The following MTMR1 variants were observed in gnomAD, a reference collection of about 807,000 sequenced individuals.
The protein encoded by MTMR1 is myotubularin related protein 1.
Under a neutral mutation model 51.6 loss-of-function variants are expected in MTMR1, and 17 were observed. The ratio of observed to expected loss-of-function variants is 0.33; its 90% CI spans 0.23 to 0.49. The LOEUF is 0.49. MTMR1 is among the 20% of genes least tolerant of loss of function. The pLI, the probability that MTMR1 is intolerant of heterozygous loss-of-function variation, is 0.99. For missense variants in MTMR1, 386 were observed against 526.9 expected (o/e 0.73, Z 2.62); for synonymous variants, 201 against 205.6 (o/e 0.98, Z 0.19).
chrX:150,762,918 G>A lies in MTMR1; in HGVS notation c.*189G>A. The A allele has an allele frequency of 6.7e-6, 3 of 449,244 alleles. No individual in the cohort carries two copies. Among genetic ancestry groups the A allele is most frequent in the South Asian group, 6.1e-5 (1 of 16,290 alleles). 37.0% of individuals were successfully genotyped at this position (449,244 alleles called of 1,213,427 possible). ...CTGTCAGCGGTTTCACAGGGGAGCCGTCTGTCACGCCCACCCTGTGAAGCA... is the reference window on the plus strand; with the variant it reads ...CTGTCAGCGGTTTCACAGGGGAGCCATCTGTCACGCCCACCCTGTGAAGCA... On this transcript the variant is annotated 3_prime_UTR_variant, in exon 16 of 16. Transcript: ENST00000445323.
rs1456518039 is a variant in MTMR1 at position 150,764,189 on chromosome X, A to C, written c.*1460A>C. The C allele has an allele frequency of 8.9e-6, 1 of 112,868 alleles. No individual in the cohort carries two copies. Among genetic ancestry groups the C allele is most frequent in the Non-Finnish European group, 1.9e-5 (1 of 53,384 alleles). The allele number at this position is 112,868 out of a possible 1,213,427, so 9.3% of individuals were successfully genotyped here. A position where few individuals can be genotyped will look rare whatever the true frequency, so the allele number is the denominator to read the frequency against. Reference sequence around the variant, plus strand: ...CTGGATTCCAGGCAAAGGCCTACAGATTGACCTTATTATTTTTGAAAATAT... The same window carrying C: ...CTGGATTCCAGGCAAAGGCCTACAGCTTGACCTTATTATTTTTGAAAATAT... On this transcript the variant is annotated 3_prime_UTR_variant, in exon 16 of 16. Coordinates refer to ENST00000445323, the MANE Select transcript of MTMR1 (RefSeq NM_001306144.3).
chrX:150,698,672 ACGCGCGCG>A (rs58742500), intron 1 of MTMR1, among the ~76,000 whole-genome samples: 1 of 76,880 alleles, frequency 1.3e-5, no homozygotes, highest in South Asian at 8.1e-4. Context: ...CCCTGTCTAC[ACGCGCGCG>A]CACACACACA....
intron 12 of MTMR1, among the ~76,000 whole-genome samples, chrX:150,742,836 AAG>A (rs2042471287): frequency 9.3e-6 from 1 of 107,014 alleles, no homozygotes; most frequent in Non-Finnish European, 1.9e-5. Flanking sequence ...AAAAAAAAAA[AAG>A]AAAGAAAGAA....
chrX:150,752,713 A>G (rs1275648240), intron 14 of MTMR1, among the ~76,000 whole-genome samples: 1 of 106,144 alleles, frequency 9.4e-6, no homozygotes, highest in Admixed American at 1.0e-4. Flanking sequence ...TTTACATACC[A>G]TAAAATTCAC....
In MTMR1 at chrX:150,764,683, T is replaced by G. The variant is rs1376144767; in HGVS notation, c.*1954T>G. 8.9e-6 allele frequency: 1 copy of G among 112,010 alleles called. No homozygotes were observed. Among genetic ancestry groups the G allele is most frequent in the Non-Finnish European group, 1.9e-5 (1 of 53,202 alleles). The allele number at this position is 112,010 out of a possible 1,213,427, so 9.2% of individuals were successfully genotyped here. On this transcript the variant is annotated 3_prime_UTR_variant, in exon 16 of 16. Transcript: ENST00000445323. ...CTGTCAGCAGGACCCTAGAGGAGAC[T>G]CTCATTCGATTTTAAAGAAGCACAA...
At chrX:150,698,726 A>ACACACACAC (rs1557415823) in intron 1 of MTMR1, among the ~76,000 whole-genome samples, 8 of 106,521 alleles carry the variant, frequency 7.5e-5, no homozygotes, top group Non-Finnish European at 1.4e-4. Context: ...ACACACACAC[A>ACACACACAC]AAAGCCGGGC....
At chrX:150,715,508 G>T in intron 3 of MTMR1, among the ~76,000 whole-genome samples, 1 of 112,421 alleles carries the variant, frequency 8.9e-6, no homozygotes, top group South Asian at 3.7e-4. Context: ...CTGAACATGG[G>T]TTGGATAAAT....
chrX:150,700,945 G>A (rs2040883727), intron 2 of MTMR1, among the ~76,000 whole-genome samples: 1 of 112,373 alleles, frequency 8.9e-6, no homozygotes, highest in African/African-American at 3.2e-5. Flanking sequence ...TTCAATCTCA[G>A]TCTATTTACA....
intron 2 of MTMR1, among the ~76,000 whole-genome samples, 168 bp from the exon 3 acceptor site, chrX:150,712,174 C>CTGATA (rs782742147): frequency 8.9e-6 from 1 of 111,875 alleles, no homozygotes; most frequent in African/African-American, 3.2e-5. Context: ...TAGGATTGAT[C>CTGATA]TGATATTGAA....
Position 150,762,900 on chromosome X carries a change from C to T in MTMR1, c.*171C>T, listed in dbSNP as rs1472372860. On this transcript the variant is annotated 3_prime_UTR_variant, in exon 16 of 16. Transcript: ENST00000445323. ...TTGGCAACCGTTACCCTCCTGTCAG[C>T]GGTTTCACAGGGGAGCCGTCTGTCA... 7.6e-5 allele frequency: 41 copies of T among 539,477 alleles called. No homozygotes were observed. Among genetic ancestry groups the T allele is most frequent in the African/African-American group, 1.2e-4 (5 of 41,110 alleles). 44.5% of individuals were successfully genotyped at this position (539,477 alleles called of 1,213,427 possible).
chrX:150,757,913 A>G lies in MTMR1; in HGVS notation c.1857+2048A>G, dbSNP rs377182084. On this transcript the variant is annotated intron_variant, in intron 15 of 15. Coordinates refer to ENST00000445323, the MANE Select transcript of MTMR1 (RefSeq NM_001306144.3). Reference sequence around the variant, plus strand: ...TGAGAAAGAGAGTGGAGGCGCTGCTAATAATCAGTCTGTAGAATTCCCCAA... The same window carrying G: ...TGAGAAAGAGAGTGGAGGCGCTGCTGATAATCAGTCTGTAGAATTCCCCAA... Among the ~76,000 whole-genome samples, 73 of 110,758 alleles carry G rather than the reference A, an allele frequency of 6.6e-4. 1 individual carries two copies. The East Asian group carries it at 0.019, about 29-fold the overall frequency.
intron 13 of MTMR1, among the ~76,000 whole-genome samples, chrX:150,749,884 T>G (rs1189541908): frequency 9.0e-6 from 1 of 111,647 alleles, no homozygotes; most frequent in Non-Finnish European, 1.9e-5. Flanking sequence ...TTTGGGAGGC[T>G]GAGGCGAGTG....
intron 2 of MTMR1, among the ~76,000 whole-genome samples, chrX:150,701,657 A>G (rs931038650): frequency 2.7e-5 from 3 of 111,515 alleles, no homozygotes; most frequent in Non-Finnish European, 3.8e-5. Context: ...GGGTTTTGTA[A>G]TGCTTTTTGA....
intron 13 of MTMR1, among the ~76,000 whole-genome samples, chrX:150,746,302 T>G (rs185642390): frequency 8.9e-6 from 1 of 111,779 alleles, no homozygotes; most frequent in Non-Finnish European, 1.9e-5. Context: ...TGATTAAAGA[T>G]AGCCTGTTAG....
intron 15 of MTMR1, among the ~76,000 whole-genome samples, chrX:150,758,114 A>G (rs2242555): frequency 0.26 from 28,458 of 110,231 alleles, 2,902 homozygotes; most frequent in South Asian, 0.47. Flanking sequence ...GCTGCAGGCC[A>G]GTTCCCCCTG....
At chrX:150,698,680 G>GCACACA (rs1214335904) in intron 1 of MTMR1, among the ~76,000 whole-genome samples, 1,648 of 62,895 alleles carry the variant, frequency 0.026, 27 homozygotes, top group East Asian at 0.048. Context: ...ACACGCGCGC[G>GCACACA]CACACACACA....
intron 10 of MTMR1, chrX:150,735,938 A>G (rs1557417144): frequency 1.7e-5 from 2 of 118,500 alleles, no homozygotes; most frequent in African/African-American, 6.4e-5. Flanking sequence ...AGGGTCTCCA[A>G]AGCCCTCCAC....
chrX:150,742,749 A>G (rs892696618), intron 12 of MTMR1, among the ~76,000 whole-genome samples: 7 of 102,678 alleles, frequency 6.8e-5, no homozygotes, highest in Admixed American at 2.1e-4. Flanking sequence ...CCTGGGAGGC[A>G]GAGCTTGCAG....
intron 9 of MTMR1, 53 bp from the exon 10 acceptor site, chrX:150,732,489 A>G (rs1417306691): frequency 1.5e-5 from 16 of 1,051,452 alleles, no homozygotes; most frequent in Non-Finnish European, 2.0e-5. Context: ...CCAGGTAATT[A>G]GAGCATACAT....
Sources: gnomAD v4.1 joint callset for allele counts (sites outside exome capture counted in the v4.1 genomes callset) on GRCh38, gnomAD v4.1.1 for gene constraint, MANE v1.5 for transcripts, NCBI Gene and HGNC (gene_info 2026-07-23, HGNC 2026-07-21) for gene names.